ZCCHC17: variants seen among roughly 807,000 people sequenced by gnomAD.
ZCCHC17 encodes the protein zinc finger CCHC domain-containing protein 17.
In ZCCHC17, 18 loss-of-function variants were observed where a neutral mutation model predicts 30.6. The observed-to-expected ratio is 0.59, with a 90% confidence interval of 0.41 to 0.87. The LOEUF (loss-of-function observed/expected upper bound fraction) is 0.87. Ranked by LOEUF, ZCCHC17 falls within the 40% of genes least tolerant of loss-of-function variation. ZCCHC17 has a pLI of 0.00. For synonymous variants in ZCCHC17, 88 were observed against 92.4 expected (o/e 0.95, Z 0.27); for missense variants, 263 against 284.2 (o/e 0.93, Z 0.54).
intron 2 of ZCCHC17, among the ~76,000 whole-genome samples, chr1:31,311,297 G>A (rs997028176): frequency 3.3e-5 from 5 of 152,018 alleles, no homozygotes; most frequent in African/African-American, 9.7e-5. Context: ...CATTACAATT[G>A]AATACAGACA....
chr1:31,359,677 C>G (rs1218652553), intron 7 of ZCCHC17, among the ~76,000 whole-genome samples: 1 of 152,152 alleles, frequency 6.6e-6, no homozygotes, highest in African/African-American at 2.4e-5. Flanking sequence ...AATGGGTAGA[C>G]TAGCTGCTCT....
intron 3 of ZCCHC17, among the ~76,000 whole-genome samples, chr1:31,331,905 C>T (rs981986842): frequency 2.6e-5 from 4 of 152,112 alleles, no homozygotes; most frequent in South Asian, 2.1e-4. Flanking sequence ...CCACCATGCC[C>T]GGCCGAGATG....
At chr1:31,334,015 G>A (rs753476375) in intron 3 of ZCCHC17, among the ~76,000 whole-genome samples, 9 of 152,168 alleles carry the variant, frequency 5.9e-5, no homozygotes, top group Non-Finnish European at 8.8e-5. Flanking sequence ...TTTAAAATTA[G>A]GCTAGTTGGC....
chr1:31,311,404 C>G (rs1646597429), intron 2 of ZCCHC17, among the ~76,000 whole-genome samples: 1 of 152,212 alleles, frequency 6.6e-6, no homozygotes, highest in Non-Finnish European at 1.5e-5. Flanking sequence ...TAGCTTTGAA[C>G]AGTCTGAGTT....
chr1:31,362,855 A>T (rs538910979), intron 7 of ZCCHC17, among the ~76,000 whole-genome samples: 6 of 152,212 alleles, frequency 3.9e-5, no homozygotes, highest in South Asian at 2.1e-4. Context: ...ATACTTGTTT[A>T]AAAAAAATCA....
intron 2 of ZCCHC17, 54 bp from the exon 3 acceptor site, chr1:31,319,055 C>T: frequency 6.3e-7 from 1 of 1,575,616 alleles, no homozygotes; most frequent in South Asian, 1.1e-5. Flanking sequence ...TTAAATGCTA[C>T]AGAAGAAAGA....
Position 31,348,868 on chromosome 1 carries a change from C to CTAAA in ZCCHC17, c.461_464dup (p.Tyr155Ter), listed in dbSNP as rs1279767359. ...GATTGTTTCATGCAACCAGGTGGGA[C>CTAAA]TAAATACTCTCTGATACCTGATGAG... On this transcript the variant is annotated frameshift_variant, in exon 7 of 8. Coordinates refer to ENST00000344147, the MANE Select transcript of ZCCHC17 (RefSeq NM_016505.4). LOFTEE classifies it high-confidence loss of function. The CTAAA allele has an allele frequency of 6.2e-7, 1 of 1,612,876 alleles. No homozygotes were observed. The highest frequency in any genetic ancestry group is 8.5e-7 in the Non-Finnish European group (1 of 1,180,004).
In ZCCHC17 at chr1:31,357,943, C is replaced by T. The variant is rs139061750; in HGVS notation, c.565-6089C>T. 9.4e-4 allele frequency among the ~76,000 whole-genome samples: 143 copies of T among 152,208 alleles called. No individual in the cohort carries two copies. In the East Asian group the frequency reaches 0.026, roughly 28 times the overall value. ...GCTGATTTTCTATTTTTAGTAGAGA[C>T]GGGTTTCTCCATGTTGTTCAGGCTG... On this transcript the variant is annotated intron_variant, in intron 7 of 7. Transcript: ENST00000344147.
chr1:31,364,423 C>T lies in ZCCHC17; in HGVS notation c.*230C>T. On this transcript the variant is annotated 3_prime_UTR_variant, in exon 8 of 8. Transcript: ENST00000344147. ...CACTCCTGGTCCCTTTGCAAGTGAA[C>T]CCTGCAGCTCACCCATTCATTCACC... is the stretch of plus-strand genomic sequence containing the variant. 1 of 625,088 alleles carries T rather than the reference C, an allele frequency of 1.6e-6. No individual in the cohort carries two copies. Among genetic ancestry groups the T allele is most frequent in the Non-Finnish European group, 2.6e-6 (1 of 389,510 alleles). The allele number at this position is 625,088 out of a possible 1,614,324, so 38.7% of individuals were successfully genotyped here.
At chr1:31,317,510 A>G (rs1646765153) in intron 2 of ZCCHC17, among the ~76,000 whole-genome samples, 1 of 152,238 alleles carries the variant, frequency 6.6e-6, no homozygotes. Flanking sequence ...AACAAATGGG[A>G]ACTTAGGCCC....
chr1:31,326,411 G>A (rs1638347573), intron 3 of ZCCHC17, among the ~76,000 whole-genome samples: 1 of 152,214 alleles, frequency 6.6e-6, no homozygotes, highest in African/African-American at 2.4e-5. Flanking sequence ...TTTCAAGCTG[G>A]CAGTCAGCAG....
At chr1:31,311,610 T>A (rs1398204849) in intron 2 of ZCCHC17, among the ~76,000 whole-genome samples, 3 of 152,236 alleles carry the variant, frequency 2.0e-5, no homozygotes, top group Non-Finnish European at 4.4e-5. Flanking sequence ...AGATGGCACC[T>A]TCCTGCTGCA....
rs367794548 is a variant in ZCCHC17, at chr1:31,328,432, T to C, written c.125-8743T>C. 1.4e-4 allele frequency among the ~76,000 whole-genome samples: 22 copies of C among 151,946 alleles called. No individual in the cohort carries two copies. In the East Asian group the frequency reaches 1.8e-3, roughly 12 times the overall value. On this transcript the variant is annotated intron_variant, in intron 3 of 7. Coordinates refer to ENST00000344147, the MANE Select transcript of ZCCHC17 (RefSeq NM_016505.4). ...GGGGGCTGAGGGGGTTGTTTGAGCC[T>C]GGGAGGCAGAGGTTGCAGTGAGCCG...
At position 31,342,793 on chromosome 1, in the gene ZCCHC17, G is replaced by A. The variant is rs551821888; in HGVS notation, c.317+3745G>A. ...GAAAGGGTTCTAGGAATTCACTTGA[G>A]GAGGAATAGTTTACTTCAGGCCTTG... On this transcript the variant is annotated intron_variant, in intron 5 of 7. Transcript: ENST00000344147. Among the ~76,000 whole-genome samples the A allele has an allele frequency of 3.9e-5, 6 of 152,304 alleles. No individual in the cohort carries two copies. In the South Asian group the frequency reaches 1.2e-3, roughly 32 times the overall value.
intron 2 of ZCCHC17, among the ~76,000 whole-genome samples, chr1:31,317,708 C>T (rs150269898): frequency 2.0e-5 from 3 of 152,210 alleles, no homozygotes; most frequent in East Asian, 1.9e-4. Flanking sequence ...CCTCAGGCCA[C>T]GCTCCAGCCT....
intron 3 of ZCCHC17, among the ~76,000 whole-genome samples, chr1:31,328,943 G>C (rs145088477): frequency 6.6e-6 from 1 of 152,212 alleles, no homozygotes; most frequent in African/African-American, 2.4e-5. Flanking sequence ...GAGACAGGGG[G>C]ATCAGTTGAG....
chr1:31,363,219 T>C (rs1309878612), intron 7 of ZCCHC17, among the ~76,000 whole-genome samples: 7 of 150,990 alleles, frequency 4.6e-5, no homozygotes, highest in African/African-American at 1.7e-4. Flanking sequence ...AGTCTCGCTC[T>C]GTCGCCAAGG....
intron 5 of ZCCHC17, among the ~76,000 whole-genome samples, chr1:31,340,894 G>A (rs1224283427): frequency 6.6e-6 from 1 of 152,152 alleles, no homozygotes; most frequent in Non-Finnish European, 1.5e-5. Flanking sequence ...GAATTTGAAG[G>A]AATTTTATCT....
intron 1 of ZCCHC17, among the ~76,000 whole-genome samples, chr1:31,309,292 G>A (rs1008786839): frequency 1.3e-5 from 2 of 152,030 alleles, no homozygotes; most frequent in East Asian, 3.9e-4. Context: ...AATAGTAATA[G>A]AACTTACATT....
Sources: gnomAD v4.1 joint callset for allele counts (sites outside exome capture counted in the v4.1 genomes callset) on GRCh38, gnomAD v4.1.1 for gene constraint, MANE v1.5 for transcripts, NCBI Gene and HGNC (gene_info 2026-07-23, HGNC 2026-07-21) for gene names.